Variants in PDE11A observed in about 807,000 individuals in gnomAD.
The protein encoded by PDE11A is dual 3',5'-cyclic-AMP and -GMP phosphodiesterase 11A.
PDE11A carries 100 observed loss-of-function variants against 100.5 expected under a neutral mutation model. That is an observed-to-expected ratio of 1.00 (90% CI 0.85 to 1.18). The LOEUF (loss-of-function observed/expected upper bound fraction) is 1.18. PDE11A is among the 50% of genes most tolerant of loss of function. The pLI, the probability that PDE11A is intolerant of heterozygous loss-of-function variation, is 0.00. For synonymous variants in PDE11A, 381 were observed against 420.8 expected (o/e 0.91, Z 1.16); for missense variants, 1,141 against 1,152.6 (o/e 0.99, Z 0.15).
chr2:177,874,371 AG>A (rs2084195863), intron 5 of PDE11A, among the ~76,000 whole-genome samples: 1 of 152,208 alleles, frequency 6.6e-6, no homozygotes, highest in Non-Finnish European at 1.5e-5. Flanking sequence ...CTCATATTTT[AG>A]TATCAATATC....
intron 19 of PDE11A, among the ~76,000 whole-genome samples, chr2:177,630,360 C>A (rs1949966): frequency 6.6e-6 from 1 of 152,078 alleles, no homozygotes; most frequent in African/African-American, 2.4e-5. Context: ...CTTGTCTCAC[C>A]GCTCCTGGGT....
intron 9 of PDE11A, among the ~76,000 whole-genome samples, chr2:177,787,213 A>G (rs1439896309): frequency 6.7e-6 from 1 of 148,416 alleles, no homozygotes; most frequent in South Asian, 2.2e-4. Context: ...TACAAGCCAG[A>G]AGAGAGTGGG....
chr2:178,014,692 C>A (rs1452855885), intron 1 of PDE11A, among the ~76,000 whole-genome samples: 3 of 152,104 alleles, frequency 2.0e-5, no homozygotes, highest in Non-Finnish European at 4.4e-5. Context: ...TTAAGCCCAA[C>A]CGCAACACAT....
intron 2 of PDE11A, among the ~76,000 whole-genome samples, chr2:177,951,118 G>C (rs555519684): frequency 6.6e-6 from 1 of 152,250 alleles, no homozygotes; most frequent in East Asian, 1.9e-4. Context: ...GTTCCTCTGA[G>C]CTAAGTGTAA....
Position 177,723,495 on chromosome 2 carries a change from T to A in PDE11A, c.2043+4163A>T, listed in dbSNP as rs959521286. ...GATCATGTGCTCTTCTCTTTTCATA[T>A]CCAGTGAATTCTGCAAGATCATAAT... On this transcript the variant is annotated intron_variant, in intron 12 of 19. Coordinates refer to ENST00000286063, the MANE Select transcript of PDE11A (RefSeq NM_016953.4). Among the ~76,000 whole-genome samples, 9 of 152,244 alleles carry A rather than the reference T, an allele frequency of 5.9e-5. 1 individual carries two copies. Among genetic ancestry groups the A allele is most frequent in the Middle Eastern group, 3.4e-3 (1 of 294 alleles).
At chr2:177,991,235 G>T (rs770521144) in intron 2 of PDE11A, among the ~76,000 whole-genome samples, 3 of 150,828 alleles carry the variant, frequency 2.0e-5, no homozygotes, top group Non-Finnish European at 3.0e-5. Context: ...GGAGGCTGAG[G>T]CAGGAGAATC....
At chr2:177,694,627 T>C (rs895132872) in intron 15 of PDE11A, among the ~76,000 whole-genome samples, 2 of 152,214 alleles carry the variant, frequency 1.3e-5, no homozygotes, top group Non-Finnish European at 2.9e-5. Flanking sequence ...AGCTAATTAG[T>C]GGCAGAGCTG....
chr2:177,839,273 T>A (rs1254703765), intron 6 of PDE11A, among the ~76,000 whole-genome samples: 1 of 152,144 alleles, frequency 6.6e-6, no homozygotes, highest in Non-Finnish European at 1.5e-5. Context: ...TTTGTCTGCC[T>A]CCAGAGCCAT....
intron 9 of PDE11A, among the ~76,000 whole-genome samples, chr2:177,791,536 A>T (rs1014237105): frequency 8.2e-5 from 5 of 61,070 alleles, no homozygotes; most frequent in Admixed American, 2.7e-4. Flanking sequence ...TTAAAGTATA[A>T]AAAAAAAAAA....
At position 177,887,442 on chromosome 2, in the gene PDE11A, G is replaced by C. The variant is rs1023694900; in HGVS notation, c.1302+10616C>G. 4.6e-5 allele frequency among the ~76,000 whole-genome samples: 6 copies of C among 130,058 alleles called. No individual in the cohort carries two copies. The South Asian group carries it at 1.7e-3, about 38-fold the overall frequency. 85.3% of individuals were successfully genotyped at this position (130,058 alleles called of 152,430 possible). On this transcript the variant is annotated intron_variant, in intron 4 of 19. Transcript: ENST00000286063. ...ACGGGGTCTTAGGAAACGTCGGCTG[G>C]ACAAGCCGTTAAAAAAGAAAAAAAA...
intron 1 of PDE11A, among the ~76,000 whole-genome samples, chr2:178,059,165 G>C (rs2086935953): frequency 6.6e-6 from 1 of 152,180 alleles, no homozygotes; most frequent in Admixed American, 6.5e-5. Flanking sequence ...TCCTGCCCTA[G>C]CTCCATGAGC....
intron 2 of PDE11A, among the ~76,000 whole-genome samples, chr2:177,952,028 G>A (rs557591802): frequency 6.6e-6 from 1 of 152,186 alleles, no homozygotes; most frequent in Non-Finnish European, 1.5e-5. Flanking sequence ...TTTACATTAG[G>A]TATTTCCATA....
chr2:177,757,596 A>G (rs2082107219), intron 10 of PDE11A, among the ~76,000 whole-genome samples: 1 of 152,234 alleles, frequency 6.6e-6, no homozygotes, highest in Non-Finnish European at 1.5e-5. Flanking sequence ...AACAGTATTT[A>G]AGCCTCTTAT....
chr2:177,868,232 G>C (rs34952215), intron 5 of PDE11A, among the ~76,000 whole-genome samples: 14 of 152,104 alleles, frequency 9.2e-5, no homozygotes, highest in Non-Finnish European at 1.5e-4. Flanking sequence ...AAAGTCACAG[G>C]GCTGTCTCAT....
intron 10 of PDE11A, among the ~76,000 whole-genome samples, chr2:177,737,353 C>G (rs2081802592): frequency 6.6e-6 from 1 of 151,458 alleles, no homozygotes; most frequent in Non-Finnish European, 1.5e-5. Context: ...CTGAAGTGGA[C>G]AGATCACGAG....
At chr2:177,881,814 G>A (rs905353980) in intron 4 of PDE11A, among the ~76,000 whole-genome samples, 1 of 152,206 alleles carries the variant, frequency 6.6e-6, no homozygotes, top group African/African-American at 2.4e-5. Flanking sequence ...AGATCGTGCA[G>A]GCCACAAAGC....
At chr2:177,932,147 T>G (rs36058776) in intron 2 of PDE11A, among the ~76,000 whole-genome samples, 13,146 of 152,036 alleles carry the variant, frequency 0.086, 540 homozygotes, top group South Asian at 0.099. Flanking sequence ...CCAATATCAA[T>G]ATCTGAGATA....
intron 4 of PDE11A, among the ~76,000 whole-genome samples, chr2:177,893,460 G>A (rs180851034): frequency 2.7e-4 from 41 of 152,160 alleles, no homozygotes; most frequent in African/African-American, 5.3e-4. Flanking sequence ...TTAAAAGCCC[G>A]TTTTGGAACC....
At position 177,626,899 on chromosome 2, in the gene PDE11A, CT is replaced by C. The variant is rs71010806; in HGVS notation, c.*2507del. On this transcript the variant is annotated 3_prime_UTR_variant, in exon 20 of 20. Transcript: ENST00000286063. ...TTTCTTTGTTTGGATTGACTTTCAC[CT>C]TTTTTTTTTTTTTTTCATTTCCCTT... is the stretch of plus-strand genomic sequence containing the variant. 66,527 of 113,138 alleles carry C rather than the reference CT, an allele frequency of 0.59. 18,890 individuals carry two copies. The highest frequency in any genetic ancestry group is 0.71 in the Admixed American group (7,824 of 11,052). The allele number at this position is 113,138 out of a possible 1,614,324, so 7.0% of individuals were successfully genotyped here. A position where few individuals can be genotyped will look rare whatever the true frequency, so the allele number is the denominator to read the frequency against.
Sources: gnomAD v4.1 joint callset for allele counts (sites outside exome capture counted in the v4.1 genomes callset) on GRCh38, gnomAD v4.1.1 for gene constraint, MANE v1.5 for transcripts, NCBI Gene and HGNC (gene_info 2026-07-23, HGNC 2026-07-21) for gene names.